Variants in NLRP13 observed in about 807,000 individuals in gnomAD.
The protein encoded by NLRP13 is NLR family pyrin domain containing 13.
In NLRP13, 82 loss-of-function variants were observed where a neutral mutation model predicts 94.4. The ratio of observed to expected loss-of-function variants is 0.87; its 90% CI spans 0.73 to 1.04. The LOEUF (loss-of-function observed/expected upper bound fraction) is 1.04, where lower values mean the gene tolerates loss of function less well. Ranked by LOEUF, NLRP13 falls within the 50% of genes least tolerant of loss-of-function variation. The pLI, the probability that NLRP13 is intolerant of heterozygous loss-of-function variation, is 0.00. For synonymous variants in NLRP13, 553 were observed against 464.7 expected, an observed-to-expected ratio of 1.19 and a Z score of -2.45; for missense variants, 1,426 against 1,230.8, an observed-to-expected ratio of 1.16 and a Z score of -2.37.
Position 55,910,655 on chromosome 19 carries a change from C to A in NLRP13, c.2190G>T (p.Glu730Asp), listed in dbSNP as rs1986482300. 1 of 1,613,862 alleles carries A rather than the reference C, an allele frequency of 6.2e-7. No individual in the cohort carries two copies. The change falls in exon 6 of 11, where the codon GAG becomes GAT. Residue 730 changes from glutamate (E) to aspartate (D), a missense_variant. Transcript: ENST00000342929. ...GAAGTTTGCTGTTACTCAGGTCTAGCTCATGCAGATTCTCATTTGTGACCA... is the reference window on the plus strand; with the variant it reads ...GAAGTTTGCTGTTACTCAGGTCTAGATCATGCAGATTCTCATTTGTGACCA... Reference protein sequence around the residue: ...STLVTNENLHELDLSNSKLHA... With the variant: ...STLVTNENLHDLDLSNSKLHA...
Position 55,898,934 on chromosome 19 carries a change from C to T in NLRP13, c.2793G>A (p.Leu931=). The change falls in exon 10 of 11, where the codon TTG becomes TTA. Residue 931 remains leucine (L), a synonymous_variant. Transcript: ENST00000342929. ...RPDGNLQSLN[L]SGCSFTREGC... Reference sequence around the variant, plus strand: ...CCTCTCTTGTGAAAGAACAACCTGACAAACTGCAAAATAAAAACATACAAA... The same window carrying T: ...CCTCTCTTGTGAAAGAACAACCTGATAAACTGCAAAATAAAAACATACAAA... 6.2e-7 allele frequency: 1 copy of T among 1,606,500 alleles called. No homozygotes were observed. The highest frequency in any genetic ancestry group is 1.1e-5 in the South Asian group (1 of 89,886).
In NLRP13 at chr19:55,913,196, T is replaced by A; in HGVS notation, c.621A>T (p.Thr207=). 6.2e-7 allele frequency: 1 copy of A among 1,614,150 alleles called. No homozygotes were observed. Residue 207 remains threonine, a synonymous_variant, in exon 5 of 11, where the codon ACA becomes ACT. Transcript: ENST00000342929. ...GCAGTTCCTCATGTTCGTCCTTTGA[T>A]GTATTACGGATATATACGTGGTCTT... ...WPKDHVYIRN[T]SKDEHEELQR... is the part of the protein sequence containing the mutation.
At chr19:55,903,097 A>G (rs1986235118) in intron 8 of NLRP13, among the ~76,000 whole-genome samples, 1 of 151,970 alleles carries the variant, frequency 6.6e-6, no homozygotes, top group Non-Finnish European at 1.5e-5. Flanking sequence ...TATTAGGGCT[A>G]TAATAGAGTT....
chr19:55,892,008 C>CA, downstream of NLRP13: 3 of 970,288 alleles, frequency 3.1e-6, no homozygotes, highest in Non-Finnish European at 4.0e-6. Flanking sequence ...GGATCACCAC[C>CA]ACCACTTGTC....
downstream of NLRP13, chr19:55,891,841 G>A (rs538145978): frequency 9.0e-5 from 34 of 377,622 alleles, no homozygotes; most frequent in South Asian, 4.4e-4. Context: ...AGACCTGGGC[G>A]TGCAATGGGC....
chr19:55,892,467 G>C (rs942637209), downstream of NLRP13, among the ~76,000 whole-genome samples: 1 of 152,060 alleles, frequency 6.6e-6, no homozygotes, highest in Non-Finnish European at 1.5e-5. Flanking sequence ...TGTCACCCAG[G>C]CTGGAGTGCA....
At chr19:55,919,380 G>T (rs1335928654) in intron 4 of NLRP13, among the ~76,000 whole-genome samples, 1 of 151,846 alleles carries the variant, frequency 6.6e-6, no homozygotes, top group African/African-American at 2.4e-5. Context: ...AGAGCAATCA[G>T]GCAAGAGAAA....
rs1246425342 is a variant in NLRP13, at chr19:55,910,748, G to C, written c.2112-15C>G. Reference sequence around the variant, plus strand: ...ACTTGCTTGTCCTTCATGAGGGAGAGACAGAACACGGATAAGAGCAAATTA... The same window carrying C: ...ACTTGCTTGTCCTTCATGAGGGAGACACAGAACACGGATAAGAGCAAATTA... On this transcript the variant is annotated splice_polypyrimidine_tract_variant and intron_variant, in intron 5 of 10. Transcript: ENST00000342929. 1.3e-6 allele frequency: 2 copies of C among 1,590,426 alleles called. No individual in the cohort carries two copies. The highest frequency in any genetic ancestry group is 2.7e-5 in the African/African-American group (2 of 74,536).
intron 10 of NLRP13, among the ~76,000 whole-genome samples, chr19:55,897,258 T>C (rs911946679): frequency 1.3e-5 from 2 of 152,122 alleles, no homozygotes; most frequent in African/African-American, 4.8e-5. Context: ...GTGGCTCATG[T>C]CAGTAATCCC....
intron 6 of NLRP13, among the ~76,000 whole-genome samples, 184 bp downstream of exon 6, chr19:55,910,379 C>T (rs545487815): frequency 1.3e-5 from 2 of 152,132 alleles, no homozygotes; most frequent in Admixed American, 6.6e-5. Context: ...CTTGATAGAT[C>T]GGCATTTTAA....
Position 55,924,235 on chromosome 19 carries a change from G to A in NLRP13, c.458-256C>T, listed in dbSNP as rs2123142854. 1.3e-5 allele frequency among the ~76,000 whole-genome samples: 2 copies of A among 152,254 alleles called. 1 individual carries two copies. The highest frequency in any genetic ancestry group is 6.8e-3 in the Middle Eastern group (2 of 294). On this transcript the variant is annotated intron_variant, in intron 3 of 10. Transcript: ENST00000342929. ...CCTCCTGGGTTCAAGAGATTCTCCTGCCTCAGCCTCCTGAGTAGCTGGGAT... is the reference window on the plus strand; with the variant it reads ...CCTCCTGGGTTCAAGAGATTCTCCTACCTCAGCCTCCTGAGTAGCTGGGAT...
rs2123143411 is a variant in NLRP13, at chr19:55,924,617, C to G, written c.430G>C (p.Glu144Gln). 1.2e-6 allele frequency: 2 copies of G among 1,613,528 alleles called. No homozygotes were observed. Among genetic ancestry groups the G allele is most frequent in the Non-Finnish European group, 1.7e-6 (2 of 1,179,706 alleles). Residue 144 changes from glutamate to glutamine, a missense_variant, in exon 3 of 11, where the codon GAA becomes CAA. Coordinates refer to ENST00000342929, the MANE Select transcript of NLRP13 (RefSeq NM_176810.2). Reference protein sequence around the residue: ...TQGCQDPNQEELDELEEETGN... With the variant: ...TQGCQDPNQEQLDELEEETGN... ...GTTTCTTCTTCTAGCTCGTCTAGTT[C>G]TTCTTGGTTTGGATCTTGGCATCCC...
chr19:55,916,947 G>A (rs534622273), intron 4 of NLRP13, among the ~76,000 whole-genome samples: 2 of 151,892 alleles, frequency 1.3e-5, no homozygotes, highest in South Asian at 2.1e-4. Flanking sequence ...AGGAAAAAAC[G>A]TCCTAAAAAA....
intron 4 of NLRP13, among the ~76,000 whole-genome samples, chr19:55,922,700 C>A (rs1022393185): frequency 6.6e-6 from 1 of 152,164 alleles, no homozygotes; most frequent in Non-Finnish European, 1.5e-5. Context: ...AGCATACAAC[C>A]TTCATTCCAA....
In NLRP13 at chr19:55,896,018, A is replaced by G; in HGVS notation, c.3059T>C (p.Leu1020Ser). The G allele has an allele frequency of 9.9e-6, 16 of 1,614,174 alleles. No individual in the cohort carries two copies. Among genetic ancestry groups the G allele is most frequent in the Non-Finnish European group, 1.4e-5 (16 of 1,180,006 alleles). Residue 1020 changes from leucine (L) to serine (S), a missense_variant, in exon 11 of 11, where the codon TTG becomes TCG. Transcript: ENST00000342929. ...TAGCATCTTGACACCATCAGTATCCAATTCATTGCCTAGAAGGTTCAGATT... is the reference window on the plus strand; with the variant it reads ...TAGCATCTTGACACCATCAGTATCCGATTCATTGCCTAGAAGGTTCAGATT... The part of the protein sequence containing the change: ...LVNLNLLGNE[L>S]DTDGVKMLCK...
chr19:55,911,845 T>C lies in NLRP13; in HGVS notation c.1972A>G (p.Ile658Val). The C allele has an allele frequency of 6.2e-7, 1 of 1,614,204 alleles. No homozygotes were observed. The highest frequency in any genetic ancestry group is 1.1e-5 in the South Asian group (1 of 91,086). The change falls in exon 5 of 11, where the codon ATC becomes GTC. Residue 658 changes from isoleucine to valine, a missense_variant. By Grantham distance (29) the Ile-to-Val change is conservative. Transcript: ENST00000342929. ...AAAATATTAAGGTCAACTTCAAAGA[T>C]ACGACCCAACATCTTCTTTGTGAAG... ...EDFTKKMLGR[I>V]FEVDLNILED...
chr19:55,894,377 TG>T (rs1277112644), downstream of NLRP13, among the ~76,000 whole-genome samples: 2 of 152,150 alleles, frequency 1.3e-5, no homozygotes, highest in Non-Finnish European at 2.9e-5. Flanking sequence ...GAATACTGAA[TG>T]GGGTGGAAAG....
rs1190473335 is a variant in NLRP13 at position 55,907,920 on chromosome 19, G to A, written c.2319C>T (p.Asp773=). ...KSVTPEWVLQ[D]LIIALQGNSK... is the part of the protein sequence containing the mutation. ...TGTTACCCTGAAGGGCAATAATGAG[G>A]TCCTGCAGAACCCACTCAGGAGTTA... The change falls in exon 7 of 11, where the codon GAC becomes GAT. Residue 773 remains aspartate (D), a synonymous_variant. Coordinates refer to ENST00000342929, the MANE Select transcript of NLRP13 (RefSeq NM_176810.2). The A allele has an allele frequency of 1.2e-6, 2 of 1,612,546 alleles. No individual in the cohort carries two copies. The highest frequency in any genetic ancestry group is 3.3e-5 in the Admixed American group (2 of 59,888).
intron 5 of NLRP13, 55 bp downstream of exon 5, chr19:55,911,649 GCA>G: frequency 6.8e-7 from 1 of 1,472,462 alleles, no homozygotes; most frequent in South Asian, 1.4e-5. Context: ...GAAAGAATTT[GCA>G]CAGAGCCTGA....
Sources: allele counts gnomAD v4.1 joint callset (sites outside exome capture counted in the v4.1 genomes callset), GRCh38; gene constraint gnomAD v4.1.1; transcripts MANE v1.5; gene names NCBI Gene and HGNC (gene_info 2026-07-23, HGNC 2026-07-21).